The following ADARB2 variants were observed in gnomAD, a reference collection of about 807,000 sequenced individuals.
ADARB2 encodes adenosine deaminase RNA specific B2 (inactive), also known as inactive double-stranded RNA-specific editase B2.
Under a neutral mutation model 62.2 loss-of-function variants are expected in ADARB2, and 25 were observed. The ratio of observed to expected loss-of-function variants is 0.40; its 90% CI spans 0.29 to 0.56. The LOEUF (loss-of-function observed/expected upper bound fraction) is 0.56. Ranked by LOEUF, ADARB2 falls within the 20% of genes least tolerant of loss-of-function variation. ADARB2 has a pLI of 0.43. For missense variants in ADARB2, 1,071 were observed against 1,077.4 expected (o/e 0.99, Z 0.08); for synonymous variants, 572 against 500.8 (o/e 1.14, Z -1.90).
At chr10:1,340,233 A>G (rs55903803) in intron 3 of ADARB2, among the ~76,000 whole-genome samples, 543 of 43,142 alleles carry the variant, frequency 0.013, no homozygotes, top group East Asian at 0.031. Flanking sequence ...GGCAATAACC[A>G]GCATCCACCA....
rs1159261421 is a variant in ADARB2, at chr10:1,569,455, C to T, written c.100+167596G>A. On this transcript the variant is annotated intron_variant, in intron 1 of 9. Coordinates refer to ENST00000381312, the MANE Select transcript of ADARB2 (RefSeq NM_018702.4). Reference sequence around the variant, plus strand: ...ATGGGCAGTTGGGGAGCAATCCTCTCTCATTCCCAGAGGGAGCGTGGCTGG... The same window carrying T: ...ATGGGCAGTTGGGGAGCAATCCTCTTTCATTCCCAGAGGGAGCGTGGCTGG... Among the ~76,000 whole-genome samples, 33 of 152,226 alleles carry T rather than the reference C, an allele frequency of 2.2e-4. 1 individual carries two copies. Among genetic ancestry groups the T allele is most frequent in the Admixed American group, 2.2e-3 (33 of 15,290 alleles).
At chr10:1,660,619 T>C (rs541754676) in intron 1 of ADARB2, among the ~76,000 whole-genome samples, 4 of 152,270 alleles carry the variant, frequency 2.6e-5, no homozygotes, top group African/African-American at 7.2e-5. Context: ...TGTCTTATAA[T>C]TGTGCCCCTC....
chr10:1,558,375 G>A (rs1832736698), intron 1 of ADARB2, among the ~76,000 whole-genome samples: 3 of 128,946 alleles, frequency 2.3e-5, no homozygotes, highest in African/African-American at 6.4e-5. Context: ...GCCCCCGCAT[G>A]CTCCATCTAA....
chr10:1,305,932 C>A (rs1589187156), intron 3 of ADARB2, among the ~76,000 whole-genome samples: 1 of 151,580 alleles, frequency 6.6e-6, no homozygotes, highest in Non-Finnish European at 1.5e-5. Context: ...TATGACAAAC[C>A]CACAGCCAAT....
intron 7 of ADARB2, among the ~76,000 whole-genome samples, chr10:1,205,601 A>ATC (rs1157260814): frequency 6.6e-6 from 1 of 152,230 alleles, no homozygotes; most frequent in African/African-American, 2.4e-5. Flanking sequence ...TTCACATGGA[A>ATC]TCCTCACCTC....
chr10:1,247,071 A>T (rs1830992987), intron 4 of ADARB2, among the ~76,000 whole-genome samples: 1 of 152,146 alleles, frequency 6.6e-6, no homozygotes, highest in African/African-American at 2.4e-5. Context: ...TTGGATTCCT[A>T]GGTATTTTAT....
chr10:1,702,852 G>T (rs1451081591), intron 1 of ADARB2, among the ~76,000 whole-genome samples: 1 of 152,218 alleles, frequency 6.6e-6, no homozygotes, highest in Admixed American at 6.5e-5. Context: ...TTTAAAAGCA[G>T]ATTGCAATGC....
At chr10:1,549,353 G>C (rs1481746919) in intron 1 of ADARB2, among the ~76,000 whole-genome samples, 1 of 152,278 alleles carries the variant, frequency 6.6e-6, no homozygotes, top group South Asian at 2.1e-4. Context: ...GACACAAGGC[G>C]CTCTTTTTGA....
Position 1,279,671 on chromosome 10 carries a change from A to G in ADARB2, c.1078-8602T>C, listed in dbSNP as rs756670106. Among the ~76,000 whole-genome samples the G allele has an allele frequency of 6.0e-4, 91 of 152,114 alleles. 2 individuals are homozygous for G. The highest frequency in any genetic ancestry group is 5.5e-3 in the Admixed American group (84 of 15,278). On this transcript the variant is annotated intron_variant, in intron 3 of 9. Transcript: ENST00000381312. Reference sequence around the variant, plus strand: ...CCACTGGATAAGCTGCCTCAACTCCATGACCTCATTTTGCCGTAAGTACTT... The same window carrying G: ...CCACTGGATAAGCTGCCTCAACTCCGTGACCTCATTTTGCCGTAAGTACTT...
At chr10:1,356,222 G>A (rs556136153) in intron 3 of ADARB2, among the ~76,000 whole-genome samples, 1 of 152,326 alleles carries the variant, frequency 6.6e-6, no homozygotes, top group South Asian at 2.1e-4. Flanking sequence ...TTGCCTTCCT[G>A]CATGGACCAC....
At chr10:1,409,168 A>G (rs893580044) in intron 1 of ADARB2, among the ~76,000 whole-genome samples, 6 of 148,232 alleles carry the variant, frequency 4.0e-5, no homozygotes, top group Non-Finnish European at 7.5e-5. Flanking sequence ...AGCCCGGGGC[A>G]GGTATCTCTG....
chr10:1,478,132 A>G (rs1368533385), intron 1 of ADARB2, among the ~76,000 whole-genome samples: 1 of 152,260 alleles, frequency 6.6e-6, no homozygotes, highest in Non-Finnish European at 1.5e-5. Flanking sequence ...GACTCCAGTC[A>G]TGGGAGCTCT....
chr10:1,478,484 A>G (rs556047364), intron 1 of ADARB2, among the ~76,000 whole-genome samples: 2 of 152,350 alleles, frequency 1.3e-5, no homozygotes, highest in Admixed American at 1.3e-4. Flanking sequence ...CTAGACACAG[A>G]CATTGTTGTT....
intron 1 of ADARB2, among the ~76,000 whole-genome samples, chr10:1,563,110 C>G (rs546120473): frequency 6.6e-6 from 1 of 151,802 alleles, no homozygotes; most frequent in South Asian, 2.1e-4. Context: ...AGAACGTGGT[C>G]TCCCTAAGGT....
Position 1,609,403 on chromosome 10 carries a change from C to T in ADARB2, c.100+127648G>A, listed in dbSNP as rs552379209. 7.9e-5 allele frequency among the ~76,000 whole-genome samples: 12 copies of T among 152,306 alleles called. No homozygotes were observed. The East Asian group carries it at 1.2e-3, about 15-fold the overall frequency. On this transcript the variant is annotated intron_variant, in intron 1 of 9. Coordinates refer to ENST00000381312, the MANE Select transcript of ADARB2 (RefSeq NM_018702.4). The stretch of plus-strand genomic sequence containing the variant: ...CCAGGAGGCTGCGTGCCTGGGAAGG[C>T]GGCACCCCCACCTGCCAGCCCTGTC...
At chr10:1,465,130 C>T (rs181322241) in intron 1 of ADARB2, among the ~76,000 whole-genome samples, 28 of 152,350 alleles carry the variant, frequency 1.8e-4, no homozygotes, top group Non-Finnish European at 2.9e-4. Flanking sequence ...GGCACGGGCT[C>T]AGGCGACTGA....
intron 3 of ADARB2, among the ~76,000 whole-genome samples, chr10:1,317,762 T>C (rs865895561): frequency 1.1e-5 from 1 of 90,308 alleles, no homozygotes; most frequent in Non-Finnish European, 2.2e-5. Context: ...TGGGGGGGGG[T>C]GGGTCAGTTT....
intron 1 of ADARB2, among the ~76,000 whole-genome samples, chr10:1,657,168 G>A (rs1488666747): frequency 6.6e-6 from 1 of 152,096 alleles, no homozygotes; most frequent in East Asian, 1.9e-4. Context: ...TTCAGATTCA[G>A]AGTCTCCAGG....
intron 1 of ADARB2, among the ~76,000 whole-genome samples, chr10:1,700,292 T>C (rs1480451060): frequency 2.6e-4 from 2 of 7,628 alleles, no homozygotes; most frequent in Non-Finnish European, 4.9e-4. Context: ...CAGGCGCTAG[T>C]CAATACACGC....
Sources: gnomAD v4.1 joint callset for allele counts (sites outside exome capture counted in the v4.1 genomes callset) on GRCh38, gnomAD v4.1.1 for gene constraint, MANE v1.5 for transcripts, NCBI Gene and HGNC (gene_info 2026-07-23, HGNC 2026-07-21) for gene names.